MALRD1: variants seen among roughly 807,000 people sequenced by gnomAD.
The protein encoded by MALRD1 is MAM and LDL-receptor class A domain-containing protein 1.
MALRD1 carries 247 observed loss-of-function variants against 242.1 expected under a neutral mutation model. The observed-to-expected ratio is 1.02, with a 90% CI of 0.92 to 1.13. The LOEUF (loss-of-function observed/expected upper bound fraction) is 1.13, where lower values mean the gene tolerates loss of function less well. Among genes scored for constraint, MALRD1 ranks in the 50% most tolerant of loss-of-function variants. The pLI, the probability that MALRD1 is intolerant of heterozygous loss-of-function variation, is 0.00. For missense variants in MALRD1, 2,989 were observed against 2,533.1 expected, an observed-to-expected ratio of 1.18 and a Z score of -3.86; for synonymous variants, 995 against 866.6, an observed-to-expected ratio of 1.15 and a Z score of -2.60.
chr10:19,313,763 T>A (rs1360457290), intron 21 of MALRD1, among the ~76,000 whole-genome samples: 1 of 151,552 alleles, frequency 6.6e-6, no homozygotes, highest in Non-Finnish European at 1.5e-5. Context: ...ATTCATGTGT[T>A]TATACTTGCC....
At chr10:19,341,996 C>T (rs1843902854) in intron 24 of MALRD1, among the ~76,000 whole-genome samples, 1 of 151,990 alleles carries the variant, frequency 6.6e-6, no homozygotes, top group Admixed American at 6.6e-5. Context: ...TGGCATATAA[C>T]TATATAGCGT....
chr10:19,327,572 A>G lies in MALRD1; in HGVS notation c.3586A>G (p.Lys1196Glu). 1 of 1,549,556 alleles carries G rather than the reference A, an allele frequency of 6.5e-7. No individual in the cohort carries two copies. Among genetic ancestry groups the G allele is most frequent in the Non-Finnish European group, 8.7e-7 (1 of 1,146,068 alleles). ...TGATTTATCTCTATAGGTGCTCATC[A>G]AGAAAGATAACGTTACTTCTAAATT... is the stretch of plus-strand genomic sequence containing the variant. Reference protein sequence around the residue: ...ATVGSLQVLIKKDNVTSKLWA... With the variant: ...ATVGSLQVLIEKDNVTSKLWA... Residue 1196 changes from lysine (K) to glutamate (E), a missense_variant, in exon 23 of 40, where the codon AAG (lysine) becomes GAG (glutamate). Physicochemically the swap from Lys to Glu is moderately conservative, Grantham distance 56. Coordinates refer to ENST00000454679, the MANE Select transcript of MALRD1 (RefSeq NM_001142308.3).
chr10:19,580,776 A>G (rs12240829), intron 33 of MALRD1, among the ~76,000 whole-genome samples: 2,103 of 152,252 alleles, frequency 0.014, 46 homozygotes, highest in African/African-American at 0.047. Flanking sequence ...CATATTGGAC[A>G]TAAGTTCTGG....
At chr10:19,344,457 G>A (rs925327798) in intron 24 of MALRD1, among the ~76,000 whole-genome samples, 1 of 151,910 alleles carries the variant, frequency 6.6e-6, no homozygotes, top group Admixed American at 6.6e-5. Flanking sequence ...AAAATTAGTT[G>A]TACTTACATG....
Position 19,355,392 on chromosome 10 carries a change from A to T in MALRD1, c.4441+3095A>T, listed in dbSNP as rs1844573772. On this transcript the variant is annotated intron_variant, in intron 26 of 39. Coordinates refer to ENST00000454679, the MANE Select transcript of MALRD1 (RefSeq NM_001142308.3). ...TAATATAAGAATATGAAAAGTTAATATAAAAGGTTAATTATATTAAACATT... is the reference window on the plus strand; with the variant it reads ...TAATATAAGAATATGAAAAGTTAATTTAAAAGGTTAATTATATTAAACATT... 2.0e-5 allele frequency among the ~76,000 whole-genome samples: 3 copies of T among 147,894 alleles called. No individual in the cohort carries two copies. The South Asian group carries it at 6.5e-4, about 32-fold the overall frequency.
chr10:19,068,936 G>A (rs948380803), intron 2 of MALRD1, among the ~76,000 whole-genome samples: 2 of 152,074 alleles, frequency 1.3e-5, no homozygotes, highest in African/African-American at 2.4e-5. Context: ...GGGAAAGAAG[G>A]ATTAAAATGT....
At chr10:19,239,927 A>AGT (rs1431250984) in intron 18 of MALRD1, among the ~76,000 whole-genome samples, 1 of 152,118 alleles carries the variant, frequency 6.6e-6, no homozygotes, top group East Asian at 1.9e-4. Flanking sequence ...GAAGTCAGGT[A>AGT]GTGTGGTGCC....
chr10:19,605,413 C>T (rs1192393174), intron 34 of MALRD1, among the ~76,000 whole-genome samples: 1 of 151,444 alleles, frequency 6.6e-6, no homozygotes, highest in East Asian at 1.9e-4. Flanking sequence ...TGTGATCTGC[C>T]CACCTCGGCA....
chr10:19,635,928 C>A (rs114000436), intron 36 of MALRD1, among the ~76,000 whole-genome samples: 1 of 151,276 alleles, frequency 6.6e-6, no homozygotes, highest in Admixed American at 6.6e-5. Context: ...TGAAACGCAG[C>A]GTCACTCTGT....
chr10:19,658,513 A>G (rs1036854440), intron 36 of MALRD1, among the ~76,000 whole-genome samples: 1 of 152,140 alleles, frequency 6.6e-6, no homozygotes, highest in Non-Finnish European at 1.5e-5. Context: ...ACACATACAC[A>G]CAAACACACA....
intron 31 of MALRD1, among the ~76,000 whole-genome samples, chr10:19,525,938 C>A (rs1452276310): frequency 6.6e-6 from 1 of 152,080 alleles, no homozygotes; most frequent in Non-Finnish European, 1.5e-5. Flanking sequence ...AACGAAAATT[C>A]TGCTTCTATA....
intron 32 of MALRD1, among the ~76,000 whole-genome samples, chr10:19,540,162 T>A (rs1483900046): frequency 1.3e-5 from 2 of 152,240 alleles, no homozygotes; most frequent in South Asian, 2.1e-4. Flanking sequence ...AGATCTACAG[T>A]TGTCCTGTTA....
chr10:19,605,154 T>A (rs3852480), intron 34 of MALRD1, among the ~76,000 whole-genome samples: 2,566 of 117,726 alleles, frequency 0.022, 42 homozygotes, highest in South Asian at 0.064. Context: ...TATTTATTTT[T>A]TTATTATTAT....
At chr10:19,125,321 CCTTCTT>C (rs1564407940) in intron 7 of MALRD1, among the ~76,000 whole-genome samples, 5 of 77,236 alleles carry the variant, frequency 6.5e-5, no homozygotes, top group Admixed American at 2.7e-4. Context: ...TTCCTTCCTT[CCTTCTT>C]TCTTTCTTTC....
intron 36 of MALRD1, among the ~76,000 whole-genome samples, chr10:19,654,759 T>A (rs1161390961): frequency 6.6e-6 from 1 of 152,080 alleles, no homozygotes; most frequent in Non-Finnish European, 1.5e-5. Flanking sequence ...GCTGAAAATA[T>A]CCAGGCACAG....
intron 18 of MALRD1, among the ~76,000 whole-genome samples, chr10:19,223,972 T>C (rs1837672596): frequency 6.6e-6 from 1 of 152,162 alleles, no homozygotes; most frequent in African/African-American, 2.4e-5. Context: ...GGTTGGTTCC[T>C]AGTCTTTTCT....
intron 26 of MALRD1, among the ~76,000 whole-genome samples, chr10:19,364,750 A>T (rs1241399312): frequency 6.6e-6 from 1 of 152,104 alleles, no homozygotes. Flanking sequence ...TTGTTAGAAA[A>T]CTTCAGCTTC....
intron 19 of MALRD1, among the ~76,000 whole-genome samples, chr10:19,271,775 A>G (rs530133091): frequency 9.6e-4 from 146 of 152,292 alleles, no homozygotes; most frequent in Admixed American, 2.9e-3. Flanking sequence ...AAAAATATAA[A>G]AGTTAACTCA....
intron 29 of MALRD1, among the ~76,000 whole-genome samples, chr10:19,463,120 C>T (rs1464384187): frequency 3.3e-5 from 5 of 151,972 alleles, no homozygotes; most frequent in Admixed American, 3.3e-4. Context: ...CAATAGCCTA[C>T]CACAATTTCT....
Sources: allele counts gnomAD v4.1 joint callset (sites outside exome capture counted in the v4.1 genomes callset), GRCh38; gene constraint gnomAD v4.1.1; transcripts MANE v1.5; gene names NCBI Gene and HGNC (gene_info 2026-07-23, HGNC 2026-07-21).